The following RFTN2 variants were observed in gnomAD, a reference collection of about 807,000 sequenced individuals.
RFTN2 encodes the protein raftlin-2.
A neutral mutation model predicts 52.7 loss-of-function variants in RFTN2; 34 were observed. The ratio of observed to expected loss-of-function variants is 0.64; its 90% CI spans 0.49 to 0.86. RFTN2 has a LOEUF of 0.86. RFTN2 is among the 40% of genes least tolerant of loss of function. The pLI, the probability that RFTN2 is intolerant of heterozygous loss-of-function variation, is 0.00. For synonymous variants in RFTN2, 203 were observed against 217.7 expected, an observed-to-expected ratio of 0.93 and a Z score of 0.59; for missense variants, 536 against 600.1, an observed-to-expected ratio of 0.89 and a Z score of 1.12.
intron 1 of RFTN2, among the ~76,000 whole-genome samples, chr2:197,668,765 C>T (rs1004355239): frequency 1.3e-5 from 2 of 152,128 alleles, no homozygotes; most frequent in African/African-American, 4.8e-5. Context: ...GCCTAAGTCT[C>T]GGGAAGTGTT....
intron 7 of RFTN2, among the ~76,000 whole-genome samples, chr2:197,596,987 T>A (rs1170621593): frequency 6.6e-6 from 1 of 152,222 alleles, no homozygotes; most frequent in East Asian, 1.9e-4. Flanking sequence ...CTGTAGCTAA[T>A]GTTGCTCAGT....
intron 8 of RFTN2, among the ~76,000 whole-genome samples, chr2:197,590,396 G>C (rs2087684292): frequency 6.6e-6 from 1 of 152,222 alleles, no homozygotes; most frequent in Admixed American, 6.5e-5. Flanking sequence ...GAATACTGCA[G>C]AAGATCTGTG....
At chr2:197,575,379 C>T (rs974247285) in intron 8 of RFTN2, among the ~76,000 whole-genome samples, 7 of 152,126 alleles carry the variant, frequency 4.6e-5, no homozygotes, top group Admixed American at 6.5e-5. Flanking sequence ...TTATTTTGAG[C>T]GAGTGTCTAG....
chr2:197,670,105 G>A (rs1341979301), intron 1 of RFTN2, among the ~76,000 whole-genome samples: 1 of 152,132 alleles, frequency 6.6e-6, no homozygotes, highest in African/African-American at 2.4e-5. Flanking sequence ...AGTGTGCTAA[G>A]AGTTGGCGAA....
At chr2:197,662,042 C>A (rs2088984368) in intron 1 of RFTN2, among the ~76,000 whole-genome samples, 1 of 152,108 alleles carries the variant, frequency 6.6e-6, no homozygotes, top group African/African-American at 2.4e-5. Context: ...ATGTTAGTCC[C>A]TTGTTGGATG....
chr2:197,637,917 C>T (rs929330873), intron 3 of RFTN2, among the ~76,000 whole-genome samples: 11 of 151,130 alleles, frequency 7.3e-5, no homozygotes, highest in Admixed American at 4.0e-4. Flanking sequence ...TGAATGCATC[C>T]CAGAGATTCT....
At chr2:197,598,035 C>T (rs1396434569) in intron 7 of RFTN2, among the ~76,000 whole-genome samples, 3 of 152,146 alleles carry the variant, frequency 2.0e-5, no homozygotes, top group Non-Finnish European at 4.4e-5. Flanking sequence ...CAAGGGACAG[C>T]AGGACATGGT....
At chr2:197,623,916 G>C (rs183217517) in intron 5 of RFTN2, among the ~76,000 whole-genome samples, 3 of 151,966 alleles carry the variant, frequency 2.0e-5, no homozygotes, top group African/African-American at 4.8e-5. Context: ...CACCTGCCTC[G>C]GTCTCCCAAA....
At chr2:197,647,919 ATTAAT>A (rs1459704790) in intron 1 of RFTN2, among the ~76,000 whole-genome samples, 1 of 152,230 alleles carries the variant, frequency 6.6e-6, no homozygotes, top group African/African-American at 2.4e-5. Context: ...ATCCAGCAGT[ATTAAT>A]TTAAATAACA....
chr2:197,662,857 T>TG (rs1263947339), intron 1 of RFTN2, among the ~76,000 whole-genome samples: 1 of 152,122 alleles, frequency 6.6e-6, no homozygotes, highest in Non-Finnish European at 1.5e-5. Context: ...TCAAACTCCT[T>TG]GAGTCAAGTG....
intron 7 of RFTN2, among the ~76,000 whole-genome samples, chr2:197,608,541 T>C (rs966788410): frequency 2.0e-5 from 3 of 151,544 alleles, no homozygotes; most frequent in Non-Finnish European, 4.4e-5. Flanking sequence ...CTCAAACTCC[T>C]GACCTCAAGT....
At chr2:197,655,559 C>T (rs761980506) in intron 1 of RFTN2, among the ~76,000 whole-genome samples, 1 of 152,192 alleles carries the variant, frequency 6.6e-6, no homozygotes, top group Non-Finnish European at 1.5e-5. Context: ...GGCTTGGTGG[C>T]TCACGCCTGT....
chr2:197,603,921 T>G (rs1036691578), intron 7 of RFTN2, among the ~76,000 whole-genome samples: 1 of 151,922 alleles, frequency 6.6e-6, no homozygotes, highest in African/African-American at 2.4e-5. Flanking sequence ...AGTGAGACTC[T>G]GTCTCAAAAA....
intron 2 of RFTN2, among the ~76,000 whole-genome samples, chr2:197,644,547 A>G (rs1196162642): frequency 2.0e-5 from 3 of 152,228 alleles, no homozygotes; most frequent in African/African-American, 4.8e-5. Flanking sequence ...ACTTATAAGA[A>G]ATAATTTTAG....
Position 197,571,182 on chromosome 2 carries a change from A to G in RFTN2, c.*826T>C, listed in dbSNP as rs1009057272. 2.6e-5 allele frequency: 4 copies of G among 152,356 alleles called. No homozygotes were observed. The highest frequency in any genetic ancestry group is 4.4e-5 in the Non-Finnish European group (3 of 68,036). The allele number at this position is 152,356 out of a possible 1,614,324, so 9.4% of individuals were successfully genotyped here. On this transcript the variant is annotated 3_prime_UTR_variant, in exon 9 of 9. Coordinates refer to ENST00000295049, the MANE Select transcript of RFTN2 (RefSeq NM_144629.3). Reference sequence around the variant, plus strand: ...GCAGAATTCAAATCTAGACAGATGTAAAAGACTTCAGTTTCAAATTGAAGT... The same window carrying G: ...GCAGAATTCAAATCTAGACAGATGTGAAAGACTTCAGTTTCAAATTGAAGT...
At chr2:197,654,263 G>C (rs1336039446) in intron 1 of RFTN2, among the ~76,000 whole-genome samples, 1 of 152,158 alleles carries the variant, frequency 6.6e-6, no homozygotes, top group Non-Finnish European at 1.5e-5. Flanking sequence ...GCACATGCCT[G>C]TAAGTCCCAG....
rs1405927692 is a variant in RFTN2, at chr2:197,658,589, T to A, written c.140-11923A>T. Among the ~76,000 whole-genome samples the A allele has an allele frequency of 2.0e-5, 3 of 152,208 alleles. No homozygotes were observed. The East Asian group carries it at 5.8e-4, about 29-fold the overall frequency. ...GGCATGAACCTCTGTGCCTGGCCCC[T>A]ATTACTTTTTAAACAGAGGAAATTA... On this transcript the variant is annotated intron_variant, in intron 1 of 8. Coordinates refer to ENST00000295049, the MANE Select transcript of RFTN2 (RefSeq NM_144629.3).
rs1002666338 is a variant in RFTN2 at position 197,651,389 on chromosome 2, C to T, written c.140-4723G>A. ...ATCCCAGCAATTTCAATGGCCAGAG[C>T]GGGTGGATCACCTGAGATCAGGAGT... is the stretch of plus-strand genomic sequence containing the variant. On this transcript the variant is annotated intron_variant, in intron 1 of 8. Coordinates refer to ENST00000295049, the MANE Select transcript of RFTN2 (RefSeq NM_144629.3). Among the ~76,000 whole-genome samples the T allele has an allele frequency of 1.2e-4, 19 of 152,242 alleles. No homozygotes were observed. The South Asian group carries it at 1.7e-3, about 13-fold the overall frequency.
intron 8 of RFTN2, 99 bp from the exon 9 acceptor site, chr2:197,572,379 C>G: frequency 8.4e-7 from 1 of 1,188,886 alleles, no homozygotes; most frequent in East Asian, 2.4e-5. Flanking sequence ...CAGGAATGTC[C>G]TTTTCCCCAG....
Sources: allele counts gnomAD v4.1 joint callset (sites outside exome capture counted in the v4.1 genomes callset), GRCh38; gene constraint gnomAD v4.1.1; transcripts MANE v1.5; gene names NCBI Gene and HGNC (gene_info 2026-07-23, HGNC 2026-07-21).